The following MYCBP2 variants were observed in gnomAD, a reference collection of about 807,000 sequenced individuals.
MYCBP2 encodes MYC binding protein 2.
A neutral mutation model predicts 525.3 loss-of-function variants in MYCBP2; 120 were observed. The ratio of observed to expected loss-of-function variants is 0.23; its 90% CI spans 0.20 to 0.27. MYCBP2 has a LOEUF of 0.27. Ranked by LOEUF, MYCBP2 falls within the 10% of genes least tolerant of loss-of-function variation. The pLI, the probability that MYCBP2 is intolerant of heterozygous loss-of-function variation, is 1.00. For missense variants in MYCBP2, 4,149 were observed against 5,657.1 expected (o/e 0.73, Z 8.55); for synonymous variants, 1,894 against 1,955.8 (o/e 0.97, Z 0.83).
intron 30 of MYCBP2, among the ~76,000 whole-genome samples, chr13:77,187,264 C>T (rs966303029): frequency 1.3e-5 from 2 of 152,240 alleles, no homozygotes; most frequent in East Asian, 3.9e-4. Context: ...AGTCAAAGAT[C>T]CTTATTTGAA....
intron 30 of MYCBP2, 44 bp downstream of exon 30, chr13:77,188,907 G>C (rs1368367136): frequency 7.6e-7 from 1 of 1,315,234 alleles, no homozygotes; most frequent in Non-Finnish European, 1.1e-6. Flanking sequence ...AAATGTATCT[G>C]AGGACTGAAG....
At chr13:77,294,108 A>ATATATATG (rs1161391726) in intron 2 of MYCBP2, among the ~76,000 whole-genome samples, 10 of 48,256 alleles carry the variant, frequency 2.1e-4, no homozygotes, top group Non-Finnish European at 5.5e-4. Context: ...TAATGGCTAT[A>ATATATATG]TATATATATA....
chr13:77,279,774 C>T (rs1222558799), intron 3 of MYCBP2, among the ~76,000 whole-genome samples: 1 of 152,172 alleles, frequency 6.6e-6, no homozygotes, highest in Non-Finnish European at 1.5e-5. Flanking sequence ...TGAAGGTATA[C>T]TAGACCCTGT....
At position 77,185,876 on chromosome 13, in the gene MYCBP2, A is replaced by C. The variant is rs748355178; in HGVS notation, c.4439T>G (p.Val1480Gly). 11 of 1,577,060 alleles carry C rather than the reference A, an allele frequency of 7.0e-6. No individual in the cohort carries two copies. Among genetic ancestry groups the C allele is most frequent in the Non-Finnish European group, 9.4e-6 (11 of 1,166,516 alleles). ...LRVYTCEIYPVSATGKAVVEE... is the reference protein window; with the variant it reads ...LRVYTCEIYPGSATGKAVVEE... ...TTAAAAAAAATGCATCATACCTGAC[A>C]CTGGGTAAATTTCACAGGTATAGAC... Residue 1480 changes from valine to glycine, a missense_variant, in exon 31 of 83, where the codon GTG becomes GGG. By Grantham distance (109) the Val-to-Gly change is moderately radical. This residue lies in a region of MYCBP2 where 292 missense variants were observed against 330.5 expected (regional missense o/e 0.88). Coordinates refer to ENST00000544440, the MANE Select transcript of MYCBP2 (RefSeq NM_015057.5).
At chr13:77,217,808 G>T in intron 21 of MYCBP2, 32 bp downstream of exon 21, 1 of 1,354,892 alleles carries the variant, frequency 7.4e-7, no homozygotes, top group South Asian at 1.2e-5. Context: ...ATGGTATAAT[G>T]CAATATTATT....
chr13:77,266,746 G>GAAAAAAAAAAAA (rs56408804), intron 8 of MYCBP2, among the ~76,000 whole-genome samples: 12 of 89,412 alleles, frequency 1.3e-4, no homozygotes, highest in African/African-American at 4.9e-4. Context: ...GACTTGTAAT[G>GAAAAAAAAAAAA]AAAAAAAAAA....
At chr13:77,272,522 G>A (rs1276015179) in intron 5 of MYCBP2, 1 of 152,044 alleles carries the variant, frequency 6.6e-6, no homozygotes, top group African/African-American at 2.4e-5. Context: ...TAAAATATTT[G>A]CATATTTTAA....
intron 14 of MYCBP2, among the ~76,000 whole-genome samples, chr13:77,254,026 T>C (rs2071697234): frequency 6.6e-6 from 1 of 151,938 alleles, no homozygotes; most frequent in Admixed American, 6.6e-5. Context: ...TATAGCATGT[T>C]CACTGTGTGG....
At chr13:77,107,117 T>A (rs1043530181) in intron 55 of MYCBP2, among the ~76,000 whole-genome samples, 1 of 152,148 alleles carries the variant, frequency 6.6e-6, no homozygotes, top group African/African-American at 2.4e-5. Context: ...ATGGGAACAG[T>A]GTTGCTGACT....
At chr13:77,210,456 T>A (rs999848947) in intron 23 of MYCBP2, among the ~76,000 whole-genome samples, 55 of 152,134 alleles carry the variant, frequency 3.6e-4, no homozygotes, top group Admixed American at 2.6e-4. Context: ...CCTCCCAAAG[T>A]GCTGGGATTA....
intron 3 of MYCBP2, among the ~76,000 whole-genome samples, chr13:77,287,894 T>G (rs1012635803): frequency 1.3e-5 from 2 of 152,152 alleles, no homozygotes; most frequent in African/African-American, 4.8e-5. Flanking sequence ...GTACATTTTT[T>G]AATTGCCCCT....
chr13:77,244,845 G>A (rs2069576602), intron 15 of MYCBP2, among the ~76,000 whole-genome samples: 1 of 152,060 alleles, frequency 6.6e-6, no homozygotes, highest in South Asian at 2.1e-4. Context: ...ATCAAAAAGT[G>A]GGCAAAGGAT....
Position 77,251,142 on chromosome 13 carries a change from G to A in MYCBP2, c.2381+9C>T, listed in dbSNP as rs185218723. On this transcript the variant is annotated intron_variant, in intron 15 of 82. Transcript: ENST00000544440. Reference sequence around the variant, plus strand: ...CACATGTTCTTTAGTAGGAATCATTGTCTCTTACCCTCCGGGGACTCTGTC... The same window carrying A: ...CACATGTTCTTTAGTAGGAATCATTATCTCTTACCCTCCGGGGACTCTGTC... 483 of 1,612,752 alleles carry A rather than the reference G, an allele frequency of 3.0e-4. 2 individuals carry two copies. In the African/African-American group the frequency reaches 5.6e-3, roughly 19 times the overall value.
chr13:77,158,531 C>T (rs867079224), intron 44 of MYCBP2, among the ~76,000 whole-genome samples: 6 of 152,202 alleles, frequency 3.9e-5, no homozygotes, highest in Admixed American at 2.0e-4. Flanking sequence ...TAGCCTCAAC[C>T]TCCTGGGCTC....
Position 77,211,163 on chromosome 13 carries a change from T to G in MYCBP2, c.3416+4A>C. ...TTGACTATTTTATAAACTGAGATGCTTACCTCCAAATTACATCATATACAG... is the reference window on the plus strand; with the variant it reads ...TTGACTATTTTATAAACTGAGATGCGTACCTCCAAATTACATCATATACAG... On this transcript the variant is annotated splice_donor_region_variant and intron_variant, in intron 23 of 82. Coordinates refer to ENST00000544440, the MANE Select transcript of MYCBP2 (RefSeq NM_015057.5). 3.5e-6 allele frequency: 5 copies of G among 1,433,832 alleles called. No homozygotes were observed. The highest frequency in any genetic ancestry group is 4.6e-6 in the Non-Finnish European group (5 of 1,088,058). The allele number at this position is 1,433,832 out of a possible 1,614,324, so 88.8% of individuals were successfully genotyped here. A position where few individuals can be genotyped will look rare whatever the true frequency, so the allele number is the denominator to read the frequency against.
At chr13:77,306,944 T>C (rs959603443) in intron 1 of MYCBP2, among the ~76,000 whole-genome samples, 2 of 152,058 alleles carry the variant, frequency 1.3e-5, no homozygotes, top group Non-Finnish European at 2.9e-5. Flanking sequence ...CATTAAAATA[T>C]CTGCAGGGAA....
intron 1 of MYCBP2, among the ~76,000 whole-genome samples, chr13:77,304,838 A>C (rs1051952856): frequency 6.6e-6 from 1 of 152,058 alleles, no homozygotes; most frequent in African/African-American, 2.4e-5. Context: ...AAAAGCACAA[A>C]TTACCAATAT....
At chr13:77,288,474 A>G in intron 2 of MYCBP2, 98 bp from the exon 3 acceptor site, 1 of 1,027,114 alleles carries the variant, frequency 9.7e-7, no homozygotes, top group African/African-American at 1.6e-5. Context: ...ACTGACTTGC[A>G]GAAGACACAT....
intron 1 of MYCBP2, among the ~76,000 whole-genome samples, chr13:77,320,881 C>A (rs1226862273): frequency 6.6e-6 from 1 of 152,082 alleles, no homozygotes; most frequent in Admixed American, 6.5e-5. Context: ...GGGGGCCCTG[C>A]CCTTAAGGAG....
Sources: gnomAD v4.1 joint callset for allele counts (sites outside exome capture counted in the v4.1 genomes callset) on GRCh38, gnomAD v4.1.1 for gene constraint, gnomAD v4.1.1 regional missense constraint, MANE v1.5 for transcripts, NCBI Gene and HGNC (gene_info 2026-07-23, HGNC 2026-07-21) for gene names.